BMAL1: variants seen among roughly 807,000 people sequenced by gnomAD.
BMAL1 encodes the protein basic helix-loop-helix ARNT-like protein 1.
the BMAL1 span, among the ~76,000 whole-genome samples, chr11:13,281,656 C>T: frequency 3.3e-5 from 5 of 152,116 alleles, no homozygotes; most frequent in Non-Finnish European, 5.9e-5. Flanking sequence ...CCTACAGACA[C>T]GTGCCATCAC....
chr11:13,304,817 A>G, the BMAL1 span, among the ~76,000 whole-genome samples: 2 of 152,308 alleles, frequency 1.3e-5, no homozygotes, highest in Admixed American at 6.5e-5. Context: ...AAAGTGCACA[A>G]AAGGAGGAAG....
chr11:13,349,569 A>T, the BMAL1 span, among the ~76,000 whole-genome samples: 2 of 152,264 alleles, frequency 1.3e-5, no homozygotes, highest in Non-Finnish European at 1.5e-5. Context: ...CTGACACAAA[A>T]TCACACTCAA....
the BMAL1 span, chr11:13,369,854 G>A: frequency 6.6e-7 from 1 of 1,517,796 alleles, no homozygotes; most frequent in Non-Finnish European, 8.9e-7. Context: ...TGGTTCCATG[G>A]TTTCTGGCTG....
chr11:13,284,892 A>G, the BMAL1 span, among the ~76,000 whole-genome samples: 1 of 151,926 alleles, frequency 6.6e-6, no homozygotes, highest in Non-Finnish European at 1.5e-5. Context: ...CCTCCTCCCC[A>G]GCCCTGCTTC....
At chr11:13,372,039 A>G in the BMAL1 span, 12 of 1,311,042 alleles carry the variant, frequency 9.2e-6, no homozygotes, top group Non-Finnish European at 1.1e-5. Flanking sequence ...TTACTTCTGG[A>G]GAGTGAAGCC....
the BMAL1 span, among the ~76,000 whole-genome samples, chr11:13,315,948 C>G: frequency 6.6e-6 from 1 of 152,224 alleles, no homozygotes; most frequent in Non-Finnish European, 1.5e-5. Flanking sequence ...CCGTCACCCT[C>G]ACTTCCATGG....
the BMAL1 span, among the ~76,000 whole-genome samples, chr11:13,332,784 G>A: frequency 7.2e-5 from 11 of 152,064 alleles, no homozygotes; most frequent in Non-Finnish European, 1.6e-4. Flanking sequence ...GTGTGGGTGG[G>A]TCGGTGGTAA....
chr11:13,300,270 A>C, the BMAL1 span, among the ~76,000 whole-genome samples: 2 of 152,252 alleles, frequency 1.3e-5, no homozygotes, highest in African/African-American at 2.4e-5. Flanking sequence ...CTTTCAGCTA[A>C]TGCTACATTA....
chr11:13,336,122 G>C, the BMAL1 span, among the ~76,000 whole-genome samples: 1 of 152,152 alleles, frequency 6.6e-6, no homozygotes. Flanking sequence ...TTTTACATAA[G>C]GATATGTAGT....
the BMAL1 span, among the ~76,000 whole-genome samples, chr11:13,284,254 ATATATATATATAT>A: frequency 5.4e-4 from 14 of 25,694 alleles, 1 homozygote; most frequent in African/African-American, 2.3e-3. Context: ...ATATATATAT[ATATATATATATAT>A]TTTTTTTTTT....
At chr11:13,348,843 A>G in the BMAL1 span, among the ~76,000 whole-genome samples, 6 of 152,224 alleles carry the variant, frequency 3.9e-5, no homozygotes, top group Non-Finnish European at 8.8e-5. Flanking sequence ...GCAGATATTC[A>G]TTTGGAGATC....
chr11:13,331,129 A>C, the BMAL1 span, among the ~76,000 whole-genome samples: 1 of 152,200 alleles, frequency 6.6e-6, no homozygotes, highest in Non-Finnish European at 1.5e-5. Context: ...TACTGTATTA[A>C]ACAGATACCC....
the BMAL1 span, among the ~76,000 whole-genome samples, chr11:13,326,029 C>A: frequency 1.3e-5 from 2 of 151,506 alleles, no homozygotes; most frequent in South Asian, 2.1e-4. Context: ...ATGATGAAAC[C>A]CTGTGTCTAC....
chr11:13,284,144 G>A, the BMAL1 span, among the ~76,000 whole-genome samples: 48 of 61,672 alleles, frequency 7.8e-4, 2 homozygotes, highest in South Asian at 1.8e-3. Context: ...ATATATATAT[G>A]TGTATATATA....
the BMAL1 span, among the ~76,000 whole-genome samples, chr11:13,382,188 ACTT>A: frequency 2.6e-5 from 4 of 152,146 alleles, no homozygotes; most frequent in Non-Finnish European, 5.9e-5. Flanking sequence ...GGGCAGCAAT[ACTT>A]CTTTTTTATA....
At chr11:13,341,291 G>T in the BMAL1 span, among the ~76,000 whole-genome samples, 1 of 152,146 alleles carries the variant, frequency 6.6e-6, no homozygotes, top group Non-Finnish European at 1.5e-5. Flanking sequence ...GCCTGTCCTG[G>T]GGTCCCACCA....
At chr11:13,326,201 T>TAA in the BMAL1 span, among the ~76,000 whole-genome samples, 597 of 142,504 alleles carry the variant, frequency 4.2e-3, 3 homozygotes, top group Middle Eastern at 0.019. Flanking sequence ...AGACTCTGTC[T>TAA]AAAAAAAAAA....
the BMAL1 span, among the ~76,000 whole-genome samples, chr11:13,281,693 A>G: frequency 1.3e-5 from 2 of 152,050 alleles, no homozygotes; most frequent in Non-Finnish European, 2.9e-5. Context: ...TATTTTTATT[A>G]GAGATGGAGT....
At chr11:13,299,720 G>A in the BMAL1 span, among the ~76,000 whole-genome samples, 145 of 152,300 alleles carry the variant, frequency 9.5e-4, 2 homozygotes, top group Middle Eastern at 6.8e-3. Context: ...GGCACCTTTG[G>A]GGTGGCAGAG....
Sources: allele counts gnomAD v4.1 joint callset (sites outside exome capture counted in the v4.1 genomes callset), GRCh38; gene constraint gnomAD v4.1.1; transcripts MANE v1.5; gene names NCBI Gene and HGNC (gene_info 2026-07-23, HGNC 2026-07-21).